Variants in ZMAT5 observed in about 807,000 individuals in gnomAD.
ZMAT5 encodes zinc finger matrin-type 5.
A neutral mutation model predicts 28.0 loss-of-function variants in ZMAT5; 23 were observed. That is an observed-to-expected ratio of 0.82 (90% CI 0.59 to 1.16). The LOEUF (loss-of-function observed/expected upper bound fraction) is 1.16, where lower values mean the gene tolerates loss of function less well. ZMAT5 is among the 50% of genes most tolerant of loss of function. The pLI is 0.00. For missense variants in ZMAT5, 173 were observed against 212.7 expected (o/e 0.81, Z 1.16); for synonymous variants, 76 against 84.1 (o/e 0.90, Z 0.52).
intron 1 of ZMAT5, among the ~76,000 whole-genome samples, chr22:29,753,986 C>G (rs1249609602): frequency 6.6e-6 from 1 of 152,098 alleles, no homozygotes; most frequent in Non-Finnish European, 1.5e-5. Context: ...CTGCCAGACA[C>G]ACAACTTGGC....
chr22:29,751,078 T>C (rs2068051656), intron 1 of ZMAT5, among the ~76,000 whole-genome samples: 1 of 152,118 alleles, frequency 6.6e-6, no homozygotes, highest in Non-Finnish European at 1.5e-5. Context: ...TGGATTGAAA[T>C]TGTAAGAGAT....
chr22:29,752,401 C>G (rs547130915), intron 1 of ZMAT5, among the ~76,000 whole-genome samples: 2 of 152,296 alleles, frequency 1.3e-5, no homozygotes, highest in South Asian at 4.1e-4. Flanking sequence ...GGGGGGCAAA[C>G]CAGCTAATGG....
chr22:29,748,262 C>T, intron 2 of ZMAT5, 156 bp downstream of exon 2: 2 of 1,025,886 alleles, frequency 1.9e-6, no homozygotes, highest in Non-Finnish European at 2.9e-6. Flanking sequence ...CACCTACCAG[C>T]CTGCTCCTCT....
At chr22:29,760,619 A>C (rs131282) in intron 1 of ZMAT5, among the ~76,000 whole-genome samples, 61,365 of 151,966 alleles carry the variant, frequency 0.4, 13,266 homozygotes, top group East Asian at 0.6. Flanking sequence ...AGAAATCTGC[A>C]TTTTAACTAG....
At chr22:29,734,225 G>A (rs545129858) in intron 5 of ZMAT5, among the ~76,000 whole-genome samples, 1 of 152,236 alleles carries the variant, frequency 6.6e-6, no homozygotes, top group Non-Finnish European at 1.5e-5. Context: ...ATCCCTCAGG[G>A]TCAGTCTGCG....
chr22:29,753,730 G>A (rs1360116407), intron 1 of ZMAT5, among the ~76,000 whole-genome samples: 1 of 152,046 alleles, frequency 6.6e-6, no homozygotes, highest in Non-Finnish European at 1.5e-5. Flanking sequence ...AACCAGCTGT[G>A]CAGAGCCCCC....
intron 1 of ZMAT5, among the ~76,000 whole-genome samples, chr22:29,765,120 G>A (rs1483829070): frequency 1.3e-5 from 2 of 152,080 alleles, no homozygotes; most frequent in African/African-American, 2.4e-5. Flanking sequence ...AATTGTTGAG[G>A]TCAAAACTTA....
At chr22:29,751,100 G>A (rs752224438) in intron 1 of ZMAT5, among the ~76,000 whole-genome samples, 4 of 152,142 alleles carry the variant, frequency 2.6e-5, no homozygotes, top group Admixed American at 6.5e-5. Flanking sequence ...AACGTTTAAC[G>A]GCCGAGTGCT....
intron 5 of ZMAT5, among the ~76,000 whole-genome samples, chr22:29,734,319 A>C (rs1382142249): frequency 1.3e-5 from 2 of 152,202 alleles, no homozygotes; most frequent in Non-Finnish European, 2.9e-5. Flanking sequence ...GGCCTGGCTC[A>C]CTGGAGAGGC....
chr22:29,733,225 G>C (rs1261433153), intron 5 of ZMAT5, among the ~76,000 whole-genome samples: 1 of 152,236 alleles, frequency 6.6e-6, no homozygotes, highest in African/African-American at 2.4e-5. Context: ...CCAGCCTTCA[G>C]GCAAGGTGAG....
At chr22:29,761,622 G>A (rs1485987864) in intron 1 of ZMAT5, among the ~76,000 whole-genome samples, 2 of 152,070 alleles carry the variant, frequency 1.3e-5, no homozygotes, top group African/African-American at 2.4e-5. Context: ...CTGTGCATGC[G>A]AGGGATCTAG....
In ZMAT5 at chr22:29,738,214, T is replaced by C. The variant is rs543444257; in HGVS notation, c.383+116A>G. The stretch of plus-strand genomic sequence containing the variant: ...TCGGGGAGCTATGTGTAGGCAACTT[T>C]ATTCGGCCCCTGGGCCTGGGCAGTT... On this transcript the variant is annotated intron_variant, in intron 5 of 5. Coordinates refer to ENST00000344318, the MANE Select transcript of ZMAT5 (RefSeq NM_001003692.2). 298 of 1,009,876 alleles carry C rather than the reference T, an allele frequency of 3.0e-4. 2 individuals carry two copies. The African/African-American group carries it at 4.4e-3, about 15-fold the overall frequency. 62.6% of individuals were successfully genotyped at this position (1,009,876 alleles called of 1,614,324 possible). A position where few individuals can be genotyped will look rare whatever the true frequency, so the allele number is the denominator to read the frequency against.
At chr22:29,757,760 G>A (rs1194913720) in intron 1 of ZMAT5, among the ~76,000 whole-genome samples, 1 of 152,198 alleles carries the variant, frequency 6.6e-6, no homozygotes, top group Non-Finnish European at 1.5e-5. Flanking sequence ...GCTCACACCT[G>A]TAATCCTAGC....
chr22:29,752,724 T>C (rs977507032), intron 1 of ZMAT5, among the ~76,000 whole-genome samples: 4 of 152,108 alleles, frequency 2.6e-5, no homozygotes, highest in Non-Finnish European at 5.9e-5. Flanking sequence ...TTTTAAAAAA[T>C]GTAAATATTG....
chr22:29,732,565 G>A (rs569251841), intron 5 of ZMAT5, among the ~76,000 whole-genome samples: 2 of 151,940 alleles, frequency 1.3e-5, no homozygotes, highest in South Asian at 2.1e-4. Context: ...GTGAAACCCC[G>A]TCTCTACTAA....
intron 1 of ZMAT5, among the ~76,000 whole-genome samples, 157 bp from the exon 2 acceptor site, chr22:29,748,728 G>A (rs915796566): frequency 6.6e-6 from 1 of 152,266 alleles, no homozygotes; most frequent in Non-Finnish European, 1.5e-5. Context: ...GGCCTAAGAG[G>A]CCTCATTCCA....
At chr22:29,760,424 A>G (rs963210253) in intron 1 of ZMAT5, among the ~76,000 whole-genome samples, 1 of 151,544 alleles carries the variant, frequency 6.6e-6, no homozygotes, top group Non-Finnish European at 1.5e-5. Context: ...CACACCTGTA[A>G]TCCCAGTTAC....
intron 2 of ZMAT5, among the ~76,000 whole-genome samples, chr22:29,744,663 G>A (rs369631724): frequency 1.3e-5 from 2 of 152,156 alleles, no homozygotes; most frequent in Admixed American, 1.3e-4. Context: ...GGTGGCTTGG[G>A]GTGGGAGAAG....
At chr22:29,736,884 G>A (rs1228211538) in intron 5 of ZMAT5, among the ~76,000 whole-genome samples, 2 of 151,676 alleles carry the variant, frequency 1.3e-5, no homozygotes, top group African/African-American at 2.4e-5. Context: ...AAAATTAGCC[G>A]GGCGTGGTGG....
Sources: allele counts gnomAD v4.1 joint callset (sites outside exome capture counted in the v4.1 genomes callset), GRCh38; gene constraint gnomAD v4.1.1; transcripts MANE v1.5; gene names NCBI Gene and HGNC (gene_info 2026-07-23, HGNC 2026-07-21).